KCND2: variants seen among roughly 807,000 people sequenced by gnomAD.
KCND2 encodes A-type voltage-gated potassium channel KCND2.
Under a neutral mutation model 54.4 loss-of-function variants are expected in KCND2, and 16 were observed. That is an observed-to-expected ratio of 0.29 (90% CI 0.20 to 0.45). The LOEUF is 0.45. Among genes scored for constraint, KCND2 ranks in the 20% least tolerant of loss-of-function variants. The pLI is 1.00. For missense variants in KCND2, 486 were observed against 824.2 expected, an observed-to-expected ratio of 0.59 and a Z score of 5.02; for synonymous variants, 317 against 310.7, an observed-to-expected ratio of 1.02 and a Z score of -0.21.
chr7:120,733,388 GTTTGAGTCACTT>G (rs1792831473), intron 2 of KCND2, among the ~76,000 whole-genome samples: 1 of 152,076 alleles, frequency 6.6e-6, no homozygotes, highest in Non-Finnish European at 1.5e-5. Context: ...CCTGGAAGTG[GTTTGAGTCACTT>G]TCTTGTCTAT....
At chr7:120,545,141 A>G (rs531226460) in intron 1 of KCND2, among the ~76,000 whole-genome samples, 147 of 152,070 alleles carry the variant, frequency 9.7e-4, no homozygotes, top group African/African-American at 3.4e-3. Context: ...TGTATTTCAA[A>G]GGAAAAATGT....
chr7:120,309,661 G>A (rs1329588121), intron 1 of KCND2, among the ~76,000 whole-genome samples: 2 of 151,348 alleles, frequency 1.3e-5, no homozygotes, highest in African/African-American at 2.4e-5. Context: ...CACCTTATAA[G>A]GTGGTGTTAT....
intron 1 of KCND2, among the ~76,000 whole-genome samples, chr7:120,492,668 C>T (rs1802801109): frequency 6.6e-6 from 1 of 151,992 alleles, no homozygotes; most frequent in South Asian, 2.1e-4. Flanking sequence ...CCTCAGCTTA[C>T]CATGGGGTTA....
intron 1 of KCND2, among the ~76,000 whole-genome samples, chr7:120,525,474 G>A (rs922260099): frequency 6.6e-6 from 1 of 152,120 alleles, no homozygotes; most frequent in African/African-American, 2.4e-5. Flanking sequence ...TTTTAAATCA[G>A]CATAATAGAA....
At chr7:120,690,622 T>C (rs1562910685) in intron 1 of KCND2, among the ~76,000 whole-genome samples, 2 of 152,160 alleles carry the variant, frequency 1.3e-5, no homozygotes, top group Non-Finnish European at 2.9e-5. Context: ...AGAAGTGAAG[T>C]AGAAACACAT....
intron 1 of KCND2, among the ~76,000 whole-genome samples, chr7:120,414,438 C>T (rs1247690273): frequency 1.3e-5 from 2 of 152,032 alleles, no homozygotes; most frequent in South Asian, 2.1e-4. Flanking sequence ...ATTGATTATA[C>T]GTATTTCAGT....
rs973078576 is a variant in KCND2, at chr7:120,348,835, T to G, written c.1115+73088T>G. Among the ~76,000 whole-genome samples, 4 of 152,328 alleles carry G rather than the reference T, an allele frequency of 2.6e-5. No homozygotes were observed. In the South Asian group the frequency reaches 8.3e-4, roughly 32 times the overall value. On this transcript the variant is annotated intron_variant, in intron 1 of 5. Coordinates refer to ENST00000331113, the MANE Select transcript of KCND2 (RefSeq NM_012281.3). The stretch of plus-strand genomic sequence containing the variant: ...ATAGTAAAAGTATTTGTTTTACTGT[T>G]GCTACTTAATTTCTGTATTTTATTA...
chr7:120,463,558 C>T (rs1413908996), intron 1 of KCND2, among the ~76,000 whole-genome samples: 1 of 151,916 alleles, frequency 6.6e-6, no homozygotes, highest in Non-Finnish European at 1.5e-5. Flanking sequence ...ACTGAAGTGC[C>T]TAATTTGTAT....
chr7:120,649,607 G>A (rs1456983410), intron 1 of KCND2, among the ~76,000 whole-genome samples: 1 of 152,078 alleles, frequency 6.6e-6, no homozygotes, highest in Non-Finnish European at 1.5e-5. Context: ...TTTTGATGGG[G>A]TTGTTTGTTT....
chr7:120,742,734 C>T, intron 4 of KCND2, 132 bp downstream of exon 4: 1 of 727,104 alleles, frequency 1.4e-6, no homozygotes, highest in Non-Finnish European at 2.5e-6. Flanking sequence ...ACAAACAAAC[C>T]AAAACCCCAC....
At chr7:120,737,597 T>C (rs1342166658) in intron 2 of KCND2, among the ~76,000 whole-genome samples, 1 of 152,090 alleles carries the variant, frequency 6.6e-6, no homozygotes, top group Non-Finnish European at 1.5e-5. Flanking sequence ...CTTTTTATTG[T>C]AGTTTGGTAC....
At chr7:120,572,162 T>A (rs1792373959) in intron 1 of KCND2, among the ~76,000 whole-genome samples, 1 of 151,666 alleles carries the variant, frequency 6.6e-6, no homozygotes, top group South Asian at 2.1e-4. Flanking sequence ...CCTTTTCCCA[T>A]CCTAACTATG....
In KCND2 at chr7:120,570,496, C is replaced by T. The variant is rs1792351094; in HGVS notation, c.1116-162407C>T. Among the ~76,000 whole-genome samples, 3 of 150,294 alleles carry T rather than the reference C, an allele frequency of 2.0e-5. No individual in the cohort carries two copies. In the South Asian group the frequency reaches 6.3e-4, roughly 31 times the overall value. On this transcript the variant is annotated intron_variant, in intron 1 of 5. Coordinates refer to ENST00000331113, the MANE Select transcript of KCND2 (RefSeq NM_012281.3). ...CTTGATAGCTGCATATGTATTGAAC[C>T]TATGTAGTATGAACCAATAAAAAAA... is the stretch of plus-strand genomic sequence containing the variant.
intron 1 of KCND2, among the ~76,000 whole-genome samples, chr7:120,415,680 T>C (rs1200029147): frequency 6.6e-6 from 1 of 152,190 alleles, no homozygotes; most frequent in Non-Finnish European, 1.5e-5. Context: ...ACCAACTAAA[T>C]TGATGAATGG....
intron 1 of KCND2, among the ~76,000 whole-genome samples, chr7:120,562,995 A>G (rs182497100): frequency 3.9e-5 from 6 of 152,316 alleles, no homozygotes; most frequent in East Asian, 1.9e-4. Context: ...AAATGCTTCA[A>G]TCTATCTGCA....
chr7:120,324,659 A>G (rs1440780354), intron 1 of KCND2, among the ~76,000 whole-genome samples: 6 of 150,784 alleles, frequency 4.0e-5, no homozygotes, highest in Non-Finnish European at 8.9e-5. Flanking sequence ...ATTGATCTAT[A>G]ACTCTGTTTT....
chr7:120,482,547 G>C (rs2116282873), intron 1 of KCND2, among the ~76,000 whole-genome samples: 1 of 152,320 alleles, frequency 6.6e-6, no homozygotes, highest in East Asian at 1.9e-4. Context: ...GTGTTGAAAA[G>C]TGGAAACTTT....
chr7:120,656,339 A>G (rs902183079), intron 1 of KCND2, among the ~76,000 whole-genome samples: 1 of 152,174 alleles, frequency 6.6e-6, no homozygotes, highest in African/African-American at 2.4e-5. Flanking sequence ...TGCTTTTTAG[A>G]TTATGCATAG....
At chr7:120,534,205 A>C (rs1169712257) in intron 1 of KCND2, among the ~76,000 whole-genome samples, 13 of 152,156 alleles carry the variant, frequency 8.5e-5, no homozygotes, top group Admixed American at 8.5e-4. Context: ...CTGATTTTAC[A>C]GTGGAGAAGC....
Sources: allele counts gnomAD v4.1 joint callset (sites outside exome capture counted in the v4.1 genomes callset), GRCh38; gene constraint gnomAD v4.1.1; transcripts MANE v1.5; gene names NCBI Gene and HGNC (gene_info 2026-07-23, HGNC 2026-07-21).